The following GHRL variants were observed in gnomAD, a reference collection of about 807,000 sequenced individuals.
The protein encoded by GHRL is ghrelin and obestatin prepropeptide.
In GHRL, 24 loss-of-function variants were observed where a neutral mutation model predicts 16.9. The ratio of observed to expected loss-of-function variants is 1.42; its 90% CI spans 1.03 to 2.00. GHRL has a LOEUF of 2.00. Ranked by LOEUF, GHRL falls within the 30% of genes most tolerant of loss-of-function variation. GHRL has a pLI of 0.00. For synonymous variants in GHRL, 63 were observed against 58.2 expected (o/e 1.08, Z -0.37); for missense variants, 193 against 142.1 (o/e 1.36, Z -1.82).
intron 2 of GHRL, 196 bp from the exon 3 acceptor site, chr3:10,290,405 G>C: frequency 5.3e-6 from 3 of 563,148 alleles, no homozygotes; most frequent in Non-Finnish European, 9.4e-6. Flanking sequence ...GCCGTTCAGG[G>C]CAGAACACCT....
Position 10,286,768 on chromosome 3 carries a change from C to T in GHRL, c.270G>A (p.Gln90=), listed in dbSNP as rs372665020. 1.1e-4 allele frequency: 177 copies of T among 1,613,360 alleles called. No individual in the cohort carries two copies. The highest frequency in any genetic ancestry group is 1.0e-5 in the Non-Finnish European group (12 of 1,179,404). The change falls in exon 5 of 6, where the codon CAG becomes CAA. Residue 90 remains glutamine, a synonymous_variant. Coordinates refer to ENST00000335542, the MANE Select transcript of GHRL (RefSeq NM_016362.5). ...CCAGGGCCTGGCTGTGCTGCTGGTA[C>T]TGAACCCCTGACAGCTTGATTCCAA... ...FDVGIKLSGV[Q]YQQHSQALGK...
In GHRL at chr3:10,290,898, T is replaced by C. The variant is rs960325171; in HGVS notation, c.-212A>G. On this transcript the variant is annotated 5_prime_UTR_variant, in exon 2 of 6. Coordinates refer to ENST00000335542, the MANE Select transcript of GHRL (RefSeq NM_016362.5). ...GTAGAAGTCAACAGTGGAGGTCAGA[T>C]GCCCTGCGGAATTGCTGGGTTGGCG... is the stretch of plus-strand genomic sequence containing the variant. The C allele has an allele frequency of 5.1e-6, 5 of 985,382 alleles. No homozygotes were observed. The highest frequency in any genetic ancestry group is 6.0e-6 in the Non-Finnish European group (5 of 829,922). The allele number at this position is 985,382 out of a possible 1,614,324, so 61.0% of individuals were successfully genotyped here. A position where few individuals can be genotyped will look rare whatever the true frequency, so the allele number is the denominator to read the frequency against.
rs1474806028 is a variant in GHRL, at chr3:10,289,828, T to C, written c.159A>G (p.Leu53=). The C allele has an allele frequency of 3.1e-6, 5 of 1,613,918 alleles. No homozygotes were observed. The highest frequency in any genetic ancestry group is 1.7e-5 in the Admixed American group (1 of 60,004). The change falls in exon 4 of 6, where the codon CTA becomes CTG. Residue 53 remains leucine (L), a synonymous_variant. Coordinates refer to ENST00000335542, the MANE Select transcript of GHRL (RefSeq NM_016362.5). ...CATCTTCCGGGCGGAGCCAGCCTGC[T>C]AGAGCTCGGGGCTGCAGCTTGGCTG... ...KPPAKLQPRA[L]AGWLRPEDGG...
chr3:10,291,502 A>G, intron 1 of GHRL, 51 bp from the exon 2 acceptor site: 1 of 975,332 alleles, frequency 1.0e-6, no homozygotes, highest in Non-Finnish European at 1.2e-6. Flanking sequence ...TCTCTCATTG[A>G]CTGGCCTTAC....
chr3:10,290,318 C>T, intron 2 of GHRL, 109 bp from the exon 3 acceptor site: 5 of 1,074,070 alleles, frequency 4.7e-6, no homozygotes, highest in Admixed American at 2.4e-5. Flanking sequence ...ATCTGGGGTC[C>T]TGACTGCTGT....
chr3:10,289,702 C>T (rs1699647768), intron 4 of GHRL, 60 bp downstream of exon 4: 2 of 1,055,066 alleles, frequency 1.9e-6, no homozygotes, highest in African/African-American at 3.1e-5. Flanking sequence ...CCTGCCCTCC[C>T]TCTCCCCTGA....
chr3:10,290,025 A>G (rs1559477357), intron 3 of GHRL, 48 bp downstream of exon 3: 3 of 1,601,658 alleles, frequency 1.9e-6, no homozygotes, highest in Non-Finnish European at 2.6e-6. Flanking sequence ...GCTGGTTGCT[A>G]AGTGGCAGGG....
In GHRL at chr3:10,288,710, G is replaced by A. The variant is rs1289534367; in HGVS notation, c.225+1052C>T. Among the ~76,000 whole-genome samples the A allele has an allele frequency of 2.0e-5, 3 of 152,208 alleles. No homozygotes were observed. In the East Asian group the frequency reaches 5.8e-4, roughly 29 times the overall value. On this transcript the variant is annotated intron_variant, in intron 4 of 5. Coordinates refer to ENST00000335542, the MANE Select transcript of GHRL (RefSeq NM_016362.5). The stretch of plus-strand genomic sequence containing the variant: ...GGAGCTTCCGACGGCTTTATTCCTC[G>A]ACTGGAGAAGAGTATGGTAAACAGG...
chr3:10,292,777 C>G, intron 1 of GHRL, 65 bp downstream of exon 1: 1 of 994,954 alleles, frequency 1.0e-6, no homozygotes, highest in Non-Finnish European at 1.5e-6. Flanking sequence ...AAAAAAAAAT[C>G]CCCAAACAGA....
intron 4 of GHRL, among the ~76,000 whole-genome samples, chr3:10,288,891 C>T (rs1351778652): frequency 6.6e-6 from 1 of 152,190 alleles, no homozygotes; most frequent in Non-Finnish European, 1.5e-5. Flanking sequence ...CTTCCACACA[C>T]CGCTGTGGTA....
chr3:10,292,723 C>G (rs1700168320), intron 1 of GHRL, 119 bp downstream of exon 1: 1 of 679,994 alleles, frequency 1.5e-6, no homozygotes, highest in Non-Finnish European at 2.6e-6. Context: ...GGTCTGTAGT[C>G]CTCAGAGAAG....
intron 4 of GHRL, among the ~76,000 whole-genome samples, chr3:10,288,898 G>A (rs1449606241): frequency 6.6e-6 from 1 of 152,188 alleles, no homozygotes. Flanking sequence ...ACACCGCTGT[G>A]GTACCTTGGG....
In GHRL at chr3:10,292,877, A is replaced by G. The variant is rs1372391755; in HGVS notation, c.-801T>C. 7 of 1,549,510 alleles carry G rather than the reference A, an allele frequency of 4.5e-6. No homozygotes were observed. The highest frequency in any genetic ancestry group is 2.0e-5 in the Admixed American group (1 of 50,700). On this transcript the variant is annotated 5_prime_UTR_variant, in exon 1 of 6. Transcript: ENST00000335542. ...GAGGCCTCTCCGGGCACAGCTGCCAATGTTGATCTTAGATAAGACCACCAG... is the reference window on the plus strand; with the variant it reads ...GAGGCCTCTCCGGGCACAGCTGCCAGTGTTGATCTTAGATAAGACCACCAG...
chr3:10,286,659 G>A (rs773102515), intron 5 of GHRL, 45 bp downstream of exon 5: 7 of 1,002,592 alleles, frequency 7.0e-6, no homozygotes, highest in Non-Finnish European at 1.1e-5. Context: ...ACTCCCATGT[G>A]GGGCTGCAAG....
chr3:10,287,005 C>T (rs947572994), intron 4 of GHRL, 193 bp from the exon 5 acceptor site: 4 of 531,230 alleles, frequency 7.5e-6, no homozygotes, highest in African/African-American at 1.9e-5. Flanking sequence ...CACCTTCCCA[C>T]TCACCATCTT....
At chr3:10,290,665 A>C in intron 2 of GHRL, 51 bp downstream of exon 2, 1 of 957,786 alleles carries the variant, frequency 1.0e-6, no homozygotes, top group Non-Finnish European at 1.3e-6. Context: ...GGCAGCAGTC[A>C]CGGACAATAA....
At chr3:10,286,518 C>T (rs1699090349) in intron 5 of GHRL, among the ~76,000 whole-genome samples, 186 bp downstream of exon 5, 1 of 152,234 alleles carries the variant, frequency 6.6e-6, no homozygotes, top group Admixed American at 6.5e-5. Context: ...AACACAAAGA[C>T]TATGATGAAC....
At chr3:10,289,960 G>T in intron 3 of GHRL, 82 bp from the exon 4 acceptor site, 1 of 1,501,782 alleles carries the variant, frequency 6.7e-7, no homozygotes, top group Non-Finnish European at 9.2e-7. Flanking sequence ...AGAGTCCTTT[G>T]TGCTCTGGGA....
intron 4 of GHRL, chr3:10,287,079 AG>A (rs1268930593): frequency 3.3e-6 from 1 of 300,860 alleles, no homozygotes; most frequent in East Asian, 7.2e-5. Flanking sequence ...TGCTGATAAA[AG>A]CTGTGGTGCC....
Sources: gnomAD v4.1 joint callset for allele counts (sites outside exome capture counted in the v4.1 genomes callset) on GRCh38, gnomAD v4.1.1 for gene constraint, MANE v1.5 for transcripts, NCBI Gene and HGNC (gene_info 2026-07-23, HGNC 2026-07-21) for gene names.